The following COL13A1 variants were observed in gnomAD, a reference collection of about 807,000 sequenced individuals.
The protein encoded by COL13A1 is collagen alpha-1(XIII) chain.
In COL13A1, 89 loss-of-function variants were observed where a neutral mutation model predicts 130.9. That is an observed-to-expected ratio of 0.68 (90% CI 0.57 to 0.81). The LOEUF (loss-of-function observed/expected upper bound fraction) is 0.81. Among genes scored for constraint, COL13A1 ranks in the 30% least tolerant of loss-of-function variants. The pLI is 0.00. For missense variants in COL13A1, 879 were observed against 934.6 expected (o/e 0.94, Z 0.78); for synonymous variants, 402 against 341.6 (o/e 1.18, Z -1.95).
At chr10:69,882,317 G>A (rs1002518993) in intron 7 of COL13A1, among the ~76,000 whole-genome samples, 1 of 152,182 alleles carries the variant, frequency 6.6e-6, no homozygotes, top group African/African-American at 2.4e-5. Context: ...ATGTCAACAG[G>A]CTACCAAAAA....
intron 2 of COL13A1, among the ~76,000 whole-genome samples, chr10:69,864,325 T>G (rs1020453419): frequency 2.0e-5 from 3 of 152,192 alleles, no homozygotes; most frequent in African/African-American, 7.2e-5. Flanking sequence ...GTCGATTGAA[T>G]GAATGAAGGA....
intron 34 of COL13A1, among the ~76,000 whole-genome samples, chr10:69,940,712 G>C (rs71480622): frequency 1.3e-5 from 2 of 152,166 alleles, no homozygotes; most frequent in African/African-American, 4.8e-5. Context: ...GAGAGGAGAA[G>C]GGGGGCGGGA....
rs1310012324 is a variant in COL13A1 at position 69,925,780 on chromosome 10, G to A, written c.1330-24G>A. On this transcript the variant is annotated intron_variant, in intron 25 of 40. Coordinates refer to ENST00000645393, the MANE Select transcript of COL13A1 (RefSeq NM_001368882.1). ...CCGGCCCTCCCGGTCCAGGCCGTGG[G>A]TTGAGATCTCATTTGCCTTCCAGGG... 3.2e-6 allele frequency: 5 copies of A among 1,575,100 alleles called. No individual in the cohort carries two copies. In the East Asian group the frequency reaches 9.3e-5, roughly 29 times the overall value.
intron 1 of COL13A1, among the ~76,000 whole-genome samples, chr10:69,817,203 A>G (rs535023748): frequency 1.1e-4 from 16 of 152,138 alleles, no homozygotes; most frequent in Admixed American, 5.2e-4. Context: ...GATGTAAATG[A>G]TCCAATCTAG....
At chr10:69,890,090 G>T (rs2061021843) in intron 10 of COL13A1, among the ~76,000 whole-genome samples, 1 of 152,128 alleles carries the variant, frequency 6.6e-6, no homozygotes, top group Non-Finnish European at 1.5e-5. Flanking sequence ...ATCTGCCCAG[G>T]GTACCTGGAG....
chr10:69,932,488 A>G lies in COL13A1; in HGVS notation c.1684-72A>G, dbSNP rs139802159. 4.0e-3 allele frequency: 4,303 copies of G among 1,082,664 alleles called. 70 individuals carry two copies. Among genetic ancestry groups the G allele is most frequent in the South Asian group, 0.033 (2,568 of 77,336 alleles). The allele number at this position is 1,082,664 out of a possible 1,614,324, so 67.1% of individuals were successfully genotyped here. On this transcript the variant is annotated intron_variant, in intron 30 of 40. Transcript: ENST00000645393. ...GTCACGTCCCAGTCTAGTTTGTCACAGATGTGAGGGTGCGTCTGTCCCAGG... is the reference window on the plus strand; with the variant it reads ...GTCACGTCCCAGTCTAGTTTGTCACGGATGTGAGGGTGCGTCTGTCCCAGG...
At chr10:69,905,035 G>A (rs2062609874) in intron 16 of COL13A1, 76 bp downstream of exon 16, 2 of 1,497,004 alleles carry the variant, frequency 1.3e-6, no homozygotes, top group Admixed American at 2.1e-5. Context: ...CAGCACAGAA[G>A]GTGACTGAGG....
intron 1 of COL13A1, among the ~76,000 whole-genome samples, chr10:69,821,197 A>C (rs2132579757): frequency 6.6e-6 from 1 of 152,368 alleles, no homozygotes; most frequent in East Asian, 1.9e-4. Flanking sequence ...ACAAATGCAG[A>C]TTTGCACATG....
chr10:69,807,176 G>A (rs781490046), intron 1 of COL13A1, among the ~76,000 whole-genome samples: 2 of 152,092 alleles, frequency 1.3e-5, no homozygotes, highest in Admixed American at 6.5e-5. Flanking sequence ...TAGTTATAGG[G>A]TGCATACAGG....
intron 2 of COL13A1, among the ~76,000 whole-genome samples, chr10:69,849,429 C>T (rs114051325): frequency 0.073 from 11,141 of 152,328 alleles, 468 homozygotes; most frequent in South Asian, 0.11. Context: ...AGTCACCAAC[C>T]GGCTCAGCAG....
intron 2 of COL13A1, among the ~76,000 whole-genome samples, chr10:69,827,874 T>G (rs1847875357): frequency 6.6e-6 from 1 of 152,156 alleles, no homozygotes; most frequent in African/African-American, 2.4e-5. Context: ...AGGCTCCTCT[T>G]ACCTCCCCTG....
chr10:69,911,663 G>C (rs540282909), intron 17 of COL13A1, among the ~76,000 whole-genome samples: 1 of 152,248 alleles, frequency 6.6e-6, no homozygotes, highest in Non-Finnish European at 1.5e-5. Context: ...GAGAAGGCTG[G>C]ATTCAGGCCT....
At chr10:69,809,153 A>G (rs1347802158) in intron 1 of COL13A1, among the ~76,000 whole-genome samples, 1 of 152,218 alleles carries the variant, frequency 6.6e-6, no homozygotes, top group Admixed American at 6.5e-5. Context: ...AACCCCTGCC[A>G]CTAACTGTGT....
intron 34 of COL13A1, among the ~76,000 whole-genome samples, chr10:69,940,470 G>A (rs2067470405): frequency 6.6e-6 from 1 of 152,136 alleles, no homozygotes; most frequent in Admixed American, 6.5e-5. Flanking sequence ...TTTCACAACT[G>A]GGTGCTGTCA....
intron 2 of COL13A1, among the ~76,000 whole-genome samples, chr10:69,846,579 C>T (rs1304171540): frequency 6.7e-6 from 1 of 149,246 alleles, no homozygotes; most frequent in Non-Finnish European, 1.5e-5. Flanking sequence ...CCTTCTTCTG[C>T]TCTTTCCAAG....
intron 17 of COL13A1, among the ~76,000 whole-genome samples, chr10:69,914,222 A>G (rs1054620723): frequency 2.0e-5 from 3 of 152,150 alleles, no homozygotes; most frequent in Non-Finnish European, 2.9e-5. Context: ...AAGGGAGAGC[A>G]GGGACCCACT....
chr10:69,874,273 C>T (rs573759336), intron 4 of COL13A1, among the ~76,000 whole-genome samples: 1 of 152,196 alleles, frequency 6.6e-6, no homozygotes, highest in African/African-American at 2.4e-5. Context: ...CAGAGTCACC[C>T]GAGAAATGCC....
chr10:69,947,280 T>A, intron 37 of COL13A1, 27 bp from the exon 38 acceptor site: 1 of 1,612,590 alleles, frequency 6.2e-7, no homozygotes, highest in Non-Finnish European at 8.5e-7. Context: ...CTCATTAACA[T>A]GCCTTTCTTC....
rs1842747082 is a variant in COL13A1, at chr10:69,810,409, G to A, written c.294+7692G>A. ...GAGAGTCTGTGTGGCCCAGTGCCTG[G>A]AGCTCCCTGTACAGTGAAACCCAGA... On this transcript the variant is annotated intron_variant, in intron 1 of 40. Transcript: ENST00000645393. Among the ~76,000 whole-genome samples, 3 of 127,318 alleles carry A rather than the reference G, an allele frequency of 2.4e-5. No individual in the cohort carries two copies. The Admixed American group carries it at 2.7e-4, about 11-fold the overall frequency. The allele number at this position is 127,318 out of a possible 152,430, so 83.5% of individuals were successfully genotyped here.
Sources: allele counts gnomAD v4.1 joint callset (sites outside exome capture counted in the v4.1 genomes callset), GRCh38; gene constraint gnomAD v4.1.1; transcripts MANE v1.5; gene names NCBI Gene and HGNC (gene_info 2026-07-23, HGNC 2026-07-21).